Variants in SMG6 observed in about 807,000 individuals in gnomAD.
SMG6 encodes the protein SMG6 nonsense mediated mRNA decay factor, also known as telomerase-binding protein EST1A.
Under a neutral mutation model 142.2 loss-of-function variants are expected in SMG6, and 66 were observed. The observed-to-expected ratio is 0.46, with a 90% CI of 0.38 to 0.57. The LOEUF (loss-of-function observed/expected upper bound fraction) is 0.57, where lower values mean the gene tolerates loss of function less well. Among genes scored for constraint, SMG6 ranks in the 20% least tolerant of loss-of-function variants. The pLI, the probability that SMG6 is intolerant of heterozygous loss-of-function variation, is 0.00. For missense variants in SMG6, 1,793 were observed against 1,832.0 expected (o/e 0.98, Z 0.39); for synonymous variants, 779 against 702.4 (o/e 1.11, Z -1.72).
intron 1 of SMG6, among the ~76,000 whole-genome samples, chr17:2,302,560 A>G (rs762626211): frequency 5.9e-5 from 9 of 152,226 alleles, no homozygotes; most frequent in Non-Finnish European, 1.3e-4. Context: ...TAATAACAAC[A>G]ATAAAAAAGT....
intron 13 of SMG6, among the ~76,000 whole-genome samples, chr17:2,159,420 T>C (rs1267153640): frequency 2.0e-5 from 3 of 152,046 alleles, no homozygotes; most frequent in African/African-American, 7.2e-5. Flanking sequence ...ACAGCGAGAC[T>C]CTGTCTCAAA....
At chr17:2,116,612 G>A (rs2069513970) in intron 13 of SMG6, among the ~76,000 whole-genome samples, 1 of 152,034 alleles carries the variant, frequency 6.6e-6, no homozygotes, top group Non-Finnish European at 1.5e-5. Flanking sequence ...TGGGTGTGGT[G>A]GCGGGTACAT....
chr17:2,120,500 G>C (rs2069654421), intron 13 of SMG6, among the ~76,000 whole-genome samples: 1 of 152,232 alleles, frequency 6.6e-6, no homozygotes, highest in African/African-American at 2.4e-5. Context: ...CAGGAGGACT[G>C]CTTGAGCCCA....
At position 2,258,834 on chromosome 17, in the gene SMG6, A is replaced by G. The variant is rs2074251482; in HGVS notation, c.2662-14115T>C. On this transcript the variant is annotated intron_variant, in intron 8 of 18. Transcript: ENST00000263073. Reference sequence around the variant, plus strand: ...AAAAGGAACTGGCGCGATGGCTCACACCTGCAATTCCAGCATGTTGGGGGG... The same window carrying G: ...AAAAGGAACTGGCGCGATGGCTCACGCCTGCAATTCCAGCATGTTGGGGGG... Among the ~76,000 whole-genome samples, 3 of 151,094 alleles carry G rather than the reference A, an allele frequency of 2.0e-5. No individual in the cohort carries two copies. The South Asian group carries it at 6.3e-4, about 31-fold the overall frequency.
chr17:2,065,736 C>CCT, intron 16 of SMG6, 57 bp from the exon 17 acceptor site: 2 of 1,436,982 alleles, frequency 1.4e-6, no homozygotes, highest in Admixed American at 1.8e-5. Flanking sequence ...TCATCCTAGG[C>CCT]CTCTGTCCAT....
intron 8 of SMG6, among the ~76,000 whole-genome samples, chr17:2,253,433 C>G (rs1235619779): frequency 6.6e-6 from 1 of 152,002 alleles, no homozygotes; most frequent in Non-Finnish European, 1.5e-5. Context: ...CTATCCAGAT[C>G]GTTACAGAAA....
intron 13 of SMG6, among the ~76,000 whole-genome samples, chr17:2,152,187 A>G (rs370351393): frequency 8.7e-4 from 132 of 152,366 alleles, no homozygotes; most frequent in African/African-American, 3.0e-3. Flanking sequence ...AGGCGGGGAC[A>G]GGAGAAAGAA....
At chr17:2,086,731 CCA>C (rs1372785656) in intron 13 of SMG6, among the ~76,000 whole-genome samples, 15 of 152,304 alleles carry the variant, frequency 9.8e-5, no homozygotes, top group Non-Finnish European at 1.9e-4. Context: ...TCTGGAGGCA[CCA>C]CACCTGCATG....
chr17:2,128,154 C>A (rs1455277498), intron 13 of SMG6, among the ~76,000 whole-genome samples: 2 of 152,220 alleles, frequency 1.3e-5, no homozygotes, highest in Non-Finnish European at 2.9e-5. Context: ...CAGGGCAAGG[C>A]CCCACAGGCA....
intron 13 of SMG6, among the ~76,000 whole-genome samples, chr17:2,152,975 A>G (rs1022290075): frequency 1.3e-5 from 2 of 152,224 alleles, no homozygotes; most frequent in Non-Finnish European, 2.9e-5. Context: ...GTATGTATAC[A>G]ATGGAATACT....
chr17:2,138,196 T>C (rs1460263495), intron 13 of SMG6, among the ~76,000 whole-genome samples: 2 of 151,470 alleles, frequency 1.3e-5, no homozygotes, highest in African/African-American at 2.4e-5. Flanking sequence ...AAAAAAAATA[T>C]ACGGTAAAGG....
chr17:2,232,456 C>T (rs1251342744), intron 10 of SMG6, among the ~76,000 whole-genome samples: 2 of 152,134 alleles, frequency 1.3e-5, no homozygotes, highest in Non-Finnish European at 2.9e-5. Flanking sequence ...ACCTGGTCCA[C>T]GTAAGAAACA....
chr17:2,093,709 A>G (rs2068785479), intron 13 of SMG6, among the ~76,000 whole-genome samples: 1 of 152,156 alleles, frequency 6.6e-6, no homozygotes. Flanking sequence ...AAATTTGTCC[A>G]GGCTGGAGTT....
Position 2,115,710 on chromosome 17 carries a change from C to T in SMG6, c.3358-29809G>A, listed in dbSNP as rs569677689. Reference sequence around the variant, plus strand: ...TCCAATATGTTGCACTTGGAATAGGCAAACATTTCTCTTTTTTGCGGGGGA... The same window carrying T: ...TCCAATATGTTGCACTTGGAATAGGTAAACATTTCTCTTTTTTGCGGGGGA... On this transcript the variant is annotated intron_variant, in intron 13 of 18. Transcript: ENST00000263073. Among the ~76,000 whole-genome samples, 5 of 152,250 alleles carry T rather than the reference C, an allele frequency of 3.3e-5. No homozygotes were observed. The East Asian group carries it at 9.7e-4, about 29-fold the overall frequency.
rs1284509260 is a variant in SMG6 at position 2,068,703 on chromosome 17, C to A, written c.3835+75G>T. On this transcript the variant is annotated intron_variant, in intron 16 of 18. Transcript: ENST00000263073. This position sits in a 1 kb window ranked among gnomAD's most constrained non-coding sequence, Gnocchi z 6.7. Reference sequence around the variant, plus strand: ...ACAGCAGGGCTCTGCCTGCCTGGCCCCCAGGCCGTGGGGCGTGTGTGGAGG... The same window carrying A: ...ACAGCAGGGCTCTGCCTGCCTGGCCACCAGGCCGTGGGGCGTGTGTGGAGG... 6.6e-7 allele frequency: 1 copy of A among 1,507,194 alleles called. No homozygotes were observed. Among genetic ancestry groups the A allele is most frequent in the Non-Finnish European group, 9.0e-7 (1 of 1,110,594 alleles). 93.4% of individuals were successfully genotyped at this position (1,507,194 alleles called of 1,614,324 possible).
chr17:2,278,648 T>C (rs2074714623), intron 8 of SMG6, among the ~76,000 whole-genome samples: 1 of 152,208 alleles, frequency 6.6e-6, no homozygotes, highest in Admixed American at 6.5e-5. Flanking sequence ...AATCCAATTA[T>C]ATCATCCCTC....
At chr17:2,293,196 T>C (rs2075077059) in intron 4 of SMG6, among the ~76,000 whole-genome samples, 1 of 152,076 alleles carries the variant, frequency 6.6e-6, no homozygotes, top group East Asian at 1.9e-4. Flanking sequence ...GTCAGCAGTG[T>C]GATACAAAAT....
intron 13 of SMG6, among the ~76,000 whole-genome samples, chr17:2,159,038 G>A (rs1172704409): frequency 2.0e-5 from 3 of 152,040 alleles, no homozygotes; most frequent in Non-Finnish European, 4.4e-5. Flanking sequence ...TTTAAAAATG[G>A]CCAACAGATT....
chr17:2,061,937 G>C, intron 18 of SMG6: 1 of 272,772 alleles, frequency 3.7e-6, no homozygotes, highest in South Asian at 4.4e-5. Context: ...GCAGCCCCTT[G>C]ACCTCTACTC....
Sources: gnomAD v4.1 joint callset for allele counts (sites outside exome capture counted in the v4.1 genomes callset) on GRCh38, gnomAD v4.1.1 for gene constraint, Gnocchi (gnomAD v3.1) non-coding constraint, MANE v1.5 for transcripts, NCBI Gene and HGNC (gene_info 2026-07-23, HGNC 2026-07-21) for gene names.